The following TNKS2 variants were observed in gnomAD, a reference collection of about 807,000 sequenced individuals.
The protein encoded by TNKS2 is poly [ADP-ribose] polymerase tankyrase-2.
In TNKS2, 72 loss-of-function variants were observed where a neutral mutation model predicts 137.6. The ratio of observed to expected loss-of-function variants is 0.52; its 90% CI spans 0.43 to 0.64. The LOEUF (loss-of-function observed/expected upper bound fraction) is 0.64. Among genes scored for constraint, TNKS2 ranks in the 30% least tolerant of loss-of-function variants. The probability of loss-of-function intolerance (pLI) is 0.00; values close to 1 mark genes in which losing one functional copy is unlikely to be tolerated. For missense variants in TNKS2, 1,049 were observed against 1,410.2 expected, an observed-to-expected ratio of 0.74 and a Z score of 4.10; for synonymous variants, 516 against 512.1, an observed-to-expected ratio of 1.01 and a Z score of -0.10.
Position 91,848,474 on chromosome 10 carries a change from G to A in TNKS2, c.2450G>A (p.Ser817Asn), listed in dbSNP as rs763588739. The A allele has an allele frequency of 2.5e-6, 4 of 1,614,166 alleles. No individual in the cohort carries two copies. In the Admixed American group the frequency reaches 6.7e-5, roughly 27 times the overall value. Residue 817 changes from serine (S) to asparagine (N), a missense_variant, in exon 19 of 27, where the codon AGC (serine) becomes AAC (asparagine). By Grantham distance (46) the Ser-to-Asn change is conservative. Transcript: ENST00000371627. ...CCTCAAGTGCTCAATGGTGTGAGAA[G>A]CCCAGGAGCCACTGCAGATGCTCTC... Reference protein sequence around the residue: ...YKPQVLNGVRSPGATADALSS... With the variant: ...YKPQVLNGVRNPGATADALSS...
At chr10:91,848,361 T>A (rs1842445097) in intron 18 of TNKS2, 22 bp from the exon 19 acceptor site, 1 of 1,601,626 alleles carries the variant, frequency 6.2e-7, no homozygotes, top group Non-Finnish European at 8.5e-7. Context: ...ATGGCAGATG[T>A]TGTCTCTGAC....
intron 7 of TNKS2, among the ~76,000 whole-genome samples, chr10:91,826,105 A>G (rs886300422): frequency 6.6e-6 from 1 of 152,200 alleles, no homozygotes; most frequent in African/African-American, 2.4e-5. Flanking sequence ...ATAATGAGAA[A>G]TCTTGAGGAT....
At chr10:91,819,245 A>C in intron 3 of TNKS2, 25 bp from the exon 4 acceptor site, 3 of 1,027,190 alleles carry the variant, frequency 2.9e-6, no homozygotes, top group Non-Finnish European at 3.9e-6. Flanking sequence ...TAATTTCTAT[A>C]CTTTTTTTTT....
At chr10:91,826,918 A>G (rs1845088027) in intron 7 of TNKS2, 99 bp from the exon 8 acceptor site, 6 of 1,156,116 alleles carry the variant, frequency 5.2e-6, no homozygotes, top group Non-Finnish European at 4.5e-6. Flanking sequence ...CTTTGGGAAC[A>G]TAACCTGTTT....
intron 18 of TNKS2, 83 bp from the exon 19 acceptor site, chr10:91,848,300 C>T (rs1842442022): frequency 7.0e-7 from 1 of 1,422,740 alleles, no homozygotes; most frequent in Non-Finnish European, 9.3e-7. Flanking sequence ...TGGGTTTTCT[C>T]ATATTTTTAA....
intron 1 of TNKS2, chr10:91,807,469 G>A (rs1274056535): frequency 1.9e-6 from 3 of 1,600,840 alleles, no homozygotes; most frequent in East Asian, 2.2e-5. Flanking sequence ...GTAAAGAGAA[G>A]CAAGGCCTCA....
intron 18 of TNKS2, among the ~76,000 whole-genome samples, chr10:91,846,929 A>G (rs948703602): frequency 8.5e-5 from 13 of 152,244 alleles, no homozygotes; most frequent in African/African-American, 3.1e-4. Flanking sequence ...AGAGTCAGAC[A>G]GACTGGGCCT....
chr10:91,846,007 T>C lies in TNKS2; in HGVS notation c.2358+67T>C, dbSNP rs112673270. On this transcript the variant is annotated intron_variant, in intron 18 of 26. Transcript: ENST00000371627. ...CTTGTTAAAATTCACTTGATGTTAT[T>C]ATAAAATGTCTTTATAGTCAATGTG... The C allele has an allele frequency of 1.2e-3, 1,592 of 1,371,928 alleles. 20 individuals are homozygous for C. The African/African-American group carries it at 0.02, about 17-fold the overall frequency. The allele number at this position is 1,371,928 out of a possible 1,614,324, so 85.0% of individuals were successfully genotyped here. A position where few individuals can be genotyped will look rare whatever the true frequency, so the allele number is the denominator to read the frequency against.
intron 12 of TNKS2, chr10:91,836,452 ATGT>A (rs2133644617): frequency 1.2e-5 from 2 of 168,522 alleles, no homozygotes; most frequent in South Asian, 3.9e-4. Context: ...CCTGGAAATG[ATGT>A]TACATTTCTA....
chr10:91,800,292 G>A (rs1201619741), intron 1 of TNKS2, among the ~76,000 whole-genome samples: 3 of 152,172 alleles, frequency 2.0e-5, no homozygotes, highest in Non-Finnish European at 4.4e-5. Flanking sequence ...TGACCATGTA[G>A]TCAACATTTA....
chr10:91,825,479 C>CA (rs1482901305), intron 7 of TNKS2, among the ~76,000 whole-genome samples: 1 of 152,166 alleles, frequency 6.6e-6, no homozygotes, highest in African/African-American at 2.4e-5. Context: ...TGGAAACCAT[C>CA]TGATATGAAA....
At chr10:91,858,947 T>G (rs1427959133) in intron 24 of TNKS2, among the ~76,000 whole-genome samples, 1 of 151,958 alleles carries the variant, frequency 6.6e-6, no homozygotes, top group Non-Finnish European at 1.5e-5. Context: ...AGGCAGAGGT[T>G]GCAGTGAGCC....
rs536946072 is a variant in TNKS2 at position 91,809,888 on chromosome 10, A to T, written c.200-3095A>T. 2.6e-5 allele frequency among the ~76,000 whole-genome samples: 4 copies of T among 152,252 alleles called. No individual in the cohort carries two copies. The East Asian group carries it at 7.7e-4, about 29-fold the overall frequency. On this transcript the variant is annotated intron_variant, in intron 1 of 26. Transcript: ENST00000371627. The stretch of plus-strand genomic sequence containing the variant: ...TGATGTGTTGTAGCAGTATTTTTCA[A>T]ACTGTTTCTAAGAGGTGCTCAGGGA...
chr10:91,847,685 C>G (rs1313748650), intron 18 of TNKS2, among the ~76,000 whole-genome samples: 1 of 152,186 alleles, frequency 6.6e-6, no homozygotes, highest in Non-Finnish European at 1.5e-5. Context: ...AAATGATTAT[C>G]TTTTCTACCC....
At chr10:91,826,124 A>C (rs1397581765) in intron 7 of TNKS2, among the ~76,000 whole-genome samples, 1 of 152,240 alleles carries the variant, frequency 6.6e-6, no homozygotes, top group African/African-American at 2.4e-5. Flanking sequence ...ATGGAACCCA[A>C]GTCTGCACAT....
At chr10:91,832,951 A>G (rs1040235489) in intron 11 of TNKS2, among the ~76,000 whole-genome samples, 1 of 152,126 alleles carries the variant, frequency 6.6e-6, no homozygotes, top group African/African-American at 2.4e-5. Context: ...ATCCACCAAT[A>G]TATCTTATTT....
In TNKS2 at chr10:91,845,733, C is replaced by T. The variant is rs41286938; in HGVS notation, c.2170-19C>T. On this transcript the variant is annotated intron_variant, in intron 17 of 26. Transcript: ENST00000371627. ...GACAAAATAATATTTCAGACTGTAA[C>T]GGGTATTTTCTTTTACAGCATGTAG... 4.0e-5 allele frequency: 59 copies of T among 1,457,506 alleles called. 1 individual carries two copies. In the South Asian group the frequency reaches 4.8e-4, roughly 12 times the overall value. The allele number at this position is 1,457,506 out of a possible 1,614,324, so 90.3% of individuals were successfully genotyped here.
At chr10:91,843,033 C>G (rs1487520783) in intron 16 of TNKS2, among the ~76,000 whole-genome samples, 2 of 152,020 alleles carry the variant, frequency 1.3e-5, no homozygotes, top group East Asian at 1.9e-4. Context: ...CTTGAGCCAG[C>G]CTTCCTTATA....
Position 91,838,263 on chromosome 10 carries a change from G to T in TNKS2, c.1527+1265G>T, listed in dbSNP as rs184422369. The stretch of plus-strand genomic sequence containing the variant: ...AAATGGACTTAGGGAACACAGTAAT[G>T]CCATTGGATTCAGGAAAACCTGTGC... On this transcript the variant is annotated intron_variant, in intron 13 of 26. Transcript: ENST00000371627. Among the ~76,000 whole-genome samples the T allele has an allele frequency of 7.9e-5, 12 of 152,048 alleles. No homozygotes were observed. The East Asian group carries it at 1.7e-3, about 22-fold the overall frequency.
Sources: allele counts gnomAD v4.1 joint callset (sites outside exome capture counted in the v4.1 genomes callset), GRCh38; gene constraint gnomAD v4.1.1; transcripts MANE v1.5; gene names NCBI Gene and HGNC (gene_info 2026-07-23, HGNC 2026-07-21).